Variants in PRSS50 observed in about 807,000 individuals in gnomAD.
PRSS50 encodes serine protease 50.
In PRSS50, 23 loss-of-function variants were observed where a neutral mutation model predicts 34.2. That is an observed-to-expected ratio of 0.67 (90% CI 0.48 to 0.95). PRSS50 has a LOEUF of 0.95. Ranked by LOEUF, PRSS50 falls within the 40% of genes least tolerant of loss-of-function variation. PRSS50 has a pLI of 0.00. For synonymous variants in PRSS50, 224 were observed against 211.2 expected (o/e 1.06, Z -0.53); for missense variants, 484 against 513.4 (o/e 0.94, Z 0.55).
chr3:46,714,253 C>T lies in PRSS50; in HGVS notation c.719G>A (p.Cys240Tyr), dbSNP rs1700651872. Residue 240 changes from cysteine (C) to tyrosine (Y), a missense_variant, in exon 4 of 6, where the codon TGC (cysteine) becomes TAC (tyrosine). Transcript: ENST00000315170. The part of the protein sequence containing the change: ...TDYVLKDHSR[C>Y]TVTGWGLSKA... Reference sequence around the variant, plus strand: ...GGAAAGTCCCCAGCCCGTCACAGTGCAGCGGGAATGGTCCTTCAACACATA... The same window carrying T: ...GGAAAGTCCCCAGCCCGTCACAGTGTAGCGGGAATGGTCCTTCAACACATA... 6 of 1,614,126 alleles carry T rather than the reference C, an allele frequency of 3.7e-6. No homozygotes were observed. Among genetic ancestry groups the T allele is most frequent in the Admixed American group, 1.7e-5 (1 of 60,020 alleles).
In PRSS50 at chr3:46,714,368, C is replaced by G. The variant is rs1232165730; in HGVS notation, c.604G>C (p.Gly202Arg). ...YRAQRFWSWV[G>R]QANDIGLLKL... Reference sequence around the variant, plus strand: ...AGGAGGCCGATGTCGTTGGCCTGGCCCACCCAGGACCAGAACCGCTGGGCC... The same window carrying G: ...AGGAGGCCGATGTCGTTGGCCTGGCGCACCCAGGACCAGAACCGCTGGGCC... The change falls in exon 4 of 6, where the codon GGC (glycine) becomes CGC (arginine). Residue 202 changes from glycine (G) to arginine (R), a missense_variant. By Grantham distance (125) the Gly-to-Arg change is moderately radical. Coordinates refer to ENST00000315170, the MANE Select transcript of PRSS50 (RefSeq NM_013270.5). 1.2e-6 allele frequency: 2 copies of G among 1,613,948 alleles called. No homozygotes were observed. The highest frequency in any genetic ancestry group is 2.2e-5 in the South Asian group (2 of 91,062).
Position 46,714,485 on chromosome 3 carries a change from A to G in PRSS50, c.487T>C (p.Ser163Pro), listed in dbSNP as rs147316998. The G allele has an allele frequency of 4.3e-3, 6,826 of 1,598,858 alleles. 29 individuals are homozygous for G. Among genetic ancestry groups the G allele is most frequent in the Non-Finnish European group, 5.1e-3 (5,942 of 1,173,806 alleles). The change falls in exon 4 of 6, where the codon TCA becomes CCA. Residue 163 changes from serine (S) to proline (P), a missense_variant. Transcript: ENST00000315170. ...ATCCACGGACTCCCCACCCTCACTG[A>G]GTAGATAACATCACGCCTAGGGGGG... ...HCLIWRDVIY[S>P]VRVGSPWIDQ...
Position 46,715,777 on chromosome 3 carries a change from C to T in PRSS50, c.308-80G>A, listed in dbSNP as rs1232584871. The T allele has an allele frequency of 6.9e-7, 1 of 1,457,510 alleles. No individual in the cohort carries two copies. The highest frequency in any genetic ancestry group is 2.5e-5 in the East Asian group (1 of 40,020). 90.3% of individuals were successfully genotyped at this position (1,457,510 alleles called of 1,614,324 possible). On this transcript the variant is annotated intron_variant, in intron 2 of 5. Coordinates refer to ENST00000315170, the MANE Select transcript of PRSS50 (RefSeq NM_013270.5). The surrounding 1 kb of genome is among the most constrained non-coding windows in gnomAD (Gnocchi z 5.2). ...TCCCCCAGCCTGACCTCGTGCCTCT[C>T]CAGCCACTGGCCTGCACCCATCCAG... is the stretch of plus-strand genomic sequence containing the variant.
At position 46,712,954 on chromosome 3, in the gene PRSS50, T is replaced by A. The variant is rs1700638670; in HGVS notation, c.868A>T (p.Ile290Phe). Residue 290 changes from isoleucine to phenylalanine, a missense_variant, in exon 5 of 6, where the codon ATC becomes TTC. Physicochemically the swap from Ile to Phe is conservative, Grantham distance 21. Transcript: ENST00000315170. ...FTKIPTLVQI[I>F]KSQMMCAEDT... ...TCCGCACACATCATCTGGGACTTGA[T>A]GATCTGAACCAGAGTGGGGATTTTG... The A allele has an allele frequency of 1.2e-6, 2 of 1,613,968 alleles. No individual in the cohort carries two copies. The highest frequency in any genetic ancestry group is 1.7e-6 in the Non-Finnish European group (2 of 1,179,840).
Position 46,717,531 on chromosome 3 carries a change from G to A in PRSS50, c.213C>T (p.Arg71=), listed in dbSNP as rs1700699696. ...PKATCPSSRP[R]LLWQTPTTQT... is the part of the protein sequence containing the mutation. ...GGGTGGTCGGGGTCTGCCAGAGAAG[G>A]CGAGGCCGGCTGGAAGGACAGGTGG... Residue 71 remains arginine (R), a synonymous_variant, in exon 2 of 6, where the codon CGC becomes CGT. Coordinates refer to ENST00000315170, the MANE Select transcript of PRSS50 (RefSeq NM_013270.5). The surrounding 1 kb of genome is among the most constrained non-coding windows in gnomAD (Gnocchi z 4.5). The A allele has an allele frequency of 2.5e-6, 4 of 1,613,712 alleles. No individual in the cohort carries two copies. In the African/African-American group the frequency reaches 4.0e-5, roughly 16 times the overall value.
rs1700669514 is a variant in PRSS50 at position 46,715,536 on chromosome 3, A to G, written c.469T>C (p.Trp157Arg). 3 of 1,611,266 alleles carry G rather than the reference A, an allele frequency of 1.9e-6. No individual in the cohort carries two copies. Among genetic ancestry groups the G allele is most frequent in the Admixed American group, 1.7e-5 (1 of 59,934 alleles). Residue 157 changes from tryptophan (W) to arginine (R), a missense_variant and splice_region_variant, in exon 3 of 6, where the codon TGG (tryptophan) becomes CGG (arginine). Transcript: ENST00000315170. This position sits in a 1 kb window ranked among gnomAD's most constrained non-coding sequence, Gnocchi z 5.2. The stretch of plus-strand genomic sequence containing the variant: ...CACCCCACCTCAGCCTTGACTCACC[A>G]GATCAGGCAGTGGGCCACAGTCAGC... ...WVLTVAHCLI[W>R]RDVIYSVRVG...
Position 46,717,450 on chromosome 3 carries a change from G to A in PRSS50, c.294C>T (p.Val98=). 1 of 1,613,904 alleles carries A rather than the reference G, an allele frequency of 6.2e-7. No individual in the cohort carries two copies. Among genetic ancestry groups the A allele is most frequent in the Non-Finnish European group, 8.5e-7 (1 of 1,179,998 alleles). Residue 98 remains valine, a synonymous_variant, in exon 2 of 6, where the codon GTC becomes GTT. Transcript: ENST00000315170. The surrounding 1 kb of genome is among the most constrained non-coding windows in gnomAD (Gnocchi z 4.5). ...ETQFPVSEGK[V]DPYRSCGFSY... Reference sequence around the variant, plus strand: ...CCTGGTACTCACAGCGGTATGGGTCGACTTTGCCTTCAGAAACTGGGAATT... The same window carrying A: ...CCTGGTACTCACAGCGGTATGGGTCAACTTTGCCTTCAGAAACTGGGAATT...
chr3:46,717,654 G>A lies in PRSS50; in HGVS notation c.107-17C>T. The A allele has an allele frequency of 6.2e-7, 1 of 1,610,540 alleles. No individual in the cohort carries two copies. The highest frequency in any genetic ancestry group is 1.1e-5 in the South Asian group (1 of 90,646). On this transcript the variant is annotated splice_polypyrimidine_tract_variant and intron_variant, in intron 1 of 5. Transcript: ENST00000315170. The surrounding 1 kb of genome is among the most constrained non-coding windows in gnomAD (Gnocchi z 4.5). ...CCCAGCAACCTGCGGAGGACGTCGA[G>A]CGGATTAGAGGTGGAAGGCGAGGGC... is the stretch of plus-strand genomic sequence containing the variant.
rs1466909356 is a variant in PRSS50, at chr3:46,716,199, C to T, written c.308-502G>A. Among the ~76,000 whole-genome samples, 8 of 152,170 alleles carry T rather than the reference C, an allele frequency of 5.3e-5. No homozygotes were observed. Among genetic ancestry groups the T allele is most frequent in the Admixed American group, 1.3e-4 (2 of 15,284 alleles). On this transcript the variant is annotated intron_variant, in intron 2 of 5. Coordinates refer to ENST00000315170, the MANE Select transcript of PRSS50 (RefSeq NM_013270.5). This position sits in a 1 kb window ranked among gnomAD's most constrained non-coding sequence, Gnocchi z 4.4. ...TAGCCAATGACCACAGAAGCTGCTC[C>T]GCCCTTAGTCTGCAGGGAAATGCAG...
Position 46,717,323 on chromosome 3 carries a change from C to G in PRSS50, c.307+114G>C, listed in dbSNP as rs1360006680. ...CTCAATGAACACCTGTAGAAGGAGG[C>G]GCTCCTCTATCCTGCTCGCCCCCGT... On this transcript the variant is annotated intron_variant, in intron 2 of 5. Coordinates refer to ENST00000315170, the MANE Select transcript of PRSS50 (RefSeq NM_013270.5). The surrounding 1 kb of genome is among the most constrained non-coding windows in gnomAD (Gnocchi z 4.5). 8.4e-7 allele frequency: 1 copy of G among 1,187,838 alleles called. No individual in the cohort carries two copies. The highest frequency in any genetic ancestry group is 1.5e-5 in the African/African-American group (1 of 64,912). The allele number at this position is 1,187,838 out of a possible 1,614,324, so 73.6% of individuals were successfully genotyped here. A position where few individuals can be genotyped will look rare whatever the true frequency, so the allele number is the denominator to read the frequency against.
chr3:46,714,112 T>C, intron 4 of PRSS50, 106 bp downstream of exon 4: 1 of 1,421,034 alleles, frequency 7.0e-7, no homozygotes, highest in Non-Finnish European at 9.5e-7. Flanking sequence ...AGCGGCAGGC[T>C]CCCTGGGGAA....
rs188820101 is a variant in PRSS50, at chr3:46,715,618, G to A, written c.387C>T (p.Ser129=). 2.4e-5 allele frequency: 38 copies of A among 1,612,974 alleles called. No individual in the cohort carries two copies. The East Asian group carries it at 2.7e-4, about 11-fold the overall frequency. ...AVARRWPWMV[S]VRANGTHICA... is the part of the protein sequence containing the mutation. ...AGATGTGTGTGCCATTGGCCCGCAC[G>A]CTGACCATCCAGGGCCACCGCCGAG... Residue 129 remains serine, a synonymous_variant, in exon 3 of 6, where the codon AGC becomes AGT. Transcript: ENST00000315170. The surrounding 1 kb of genome is among the most constrained non-coding windows in gnomAD (Gnocchi z 5.2).
At position 46,712,122 on chromosome 3, in the gene PRSS50, A is replaced by G. The variant is rs1436600390; in HGVS notation, c.*124T>C. ...GAGGCCGGGGAAGAAGGAGGCATGG[A>G]AAACAGTAATGTTTAATTGAGCACC... On this transcript the variant is annotated 3_prime_UTR_variant, in exon 6 of 6. Coordinates refer to ENST00000315170, the MANE Select transcript of PRSS50 (RefSeq NM_013270.5). 5.5e-6 allele frequency: 5 copies of G among 902,200 alleles called. No homozygotes were observed. Among genetic ancestry groups the G allele is most frequent in the Non-Finnish European group, 8.4e-6 (5 of 596,318 alleles). 55.9% of individuals were successfully genotyped at this position (902,200 alleles called of 1,614,324 possible).
chr3:46,712,618 A>G (rs1700634634), intron 5 of PRSS50, 136 bp from the exon 6 acceptor site: 2 of 844,974 alleles, frequency 2.4e-6, no homozygotes, highest in Admixed American at 2.5e-5. Context: ...GAAGTGCTCC[A>G]GACCCAGGAG....
chr3:46,714,071 A>C, intron 4 of PRSS50, 147 bp downstream of exon 4: 2 of 1,060,992 alleles, frequency 1.9e-6, no homozygotes, highest in Non-Finnish European at 2.7e-6. Context: ...AGGAGACCTC[A>C]GAGATGAGAG....
At position 46,717,338 on chromosome 3, in the gene PRSS50, C is replaced by T; in HGVS notation, c.307+99G>A. 7.3e-7 allele frequency: 1 copy of T among 1,365,390 alleles called. No homozygotes were observed. Among genetic ancestry groups the T allele is most frequent in the East Asian group, 2.3e-5 (1 of 43,034 alleles). The allele number at this position is 1,365,390 out of a possible 1,614,324, so 84.6% of individuals were successfully genotyped here. On this transcript the variant is annotated intron_variant, in intron 2 of 5. Coordinates refer to ENST00000315170, the MANE Select transcript of PRSS50 (RefSeq NM_013270.5). This position sits in a 1 kb window ranked among gnomAD's most constrained non-coding sequence, Gnocchi z 4.5. ...TAGAAGGAGGCGCTCCTCTATCCTG[C>T]TCGCCCCCGTCCCTTCTGCTCCCCT...
At chr3:46,714,086 G>T in intron 4 of PRSS50, 132 bp downstream of exon 4, 1 of 1,192,658 alleles carries the variant, frequency 8.4e-7, no homozygotes, top group East Asian at 2.5e-5. Context: ...TGAGAGCCTG[G>T]CAGGAAGGTC....
chr3:46,715,339 C>T lies in PRSS50; in HGVS notation c.470+196G>A, dbSNP rs989728053. Among the ~76,000 whole-genome samples the T allele has an allele frequency of 5.9e-5, 9 of 152,152 alleles. No individual in the cohort carries two copies. Among genetic ancestry groups the T allele is most frequent in the South Asian group, 4.1e-4 (2 of 4,832 alleles). The stretch of plus-strand genomic sequence containing the variant: ...GACTGCACGGGACTGAGAGGCCAGA[C>T]GAGGGGAGCGAACGGTGGGACACTG... On this transcript the variant is annotated intron_variant, in intron 3 of 5. Coordinates refer to ENST00000315170, the MANE Select transcript of PRSS50 (RefSeq NM_013270.5). This position sits in a 1 kb window ranked among gnomAD's most constrained non-coding sequence, Gnocchi z 5.2.
Position 46,715,138 on chromosome 3 carries a change from C to G in PRSS50, c.470+397G>C, listed in dbSNP as rs541926062. Among the ~76,000 whole-genome samples, 34 of 152,366 alleles carry G rather than the reference C, an allele frequency of 2.2e-4. No homozygotes were observed. Among genetic ancestry groups the G allele is most frequent in the Admixed American group, 9.1e-4 (14 of 15,306 alleles). ...GGAATGATCCATCCCTCCTCTGCCC[C>G]CAGTGTCCAGGCCAGGGCCTTGCTC... is the stretch of plus-strand genomic sequence containing the variant. On this transcript the variant is annotated intron_variant, in intron 3 of 5. Coordinates refer to ENST00000315170, the MANE Select transcript of PRSS50 (RefSeq NM_013270.5). The surrounding 1 kb of genome is among the most constrained non-coding windows in gnomAD (Gnocchi z 5.2).
Sources: gnomAD v4.1 joint callset for allele counts (sites outside exome capture counted in the v4.1 genomes callset) on GRCh38, gnomAD v4.1.1 for gene constraint, Gnocchi (gnomAD v3.1) non-coding constraint, MANE v1.5 for transcripts, NCBI Gene and HGNC (gene_info 2026-07-23, HGNC 2026-07-21) for gene names.